ALCAM: variants seen among roughly 807,000 people sequenced by gnomAD.
ALCAM encodes CD166 antigen.
A neutral mutation model predicts 70.9 loss-of-function variants in ALCAM; 30 were observed. The ratio of observed to expected loss-of-function variants is 0.42; its 90% CI spans 0.32 to 0.57. The LOEUF (loss-of-function observed/expected upper bound fraction) is 0.57, where lower values mean the gene tolerates loss of function less well. Ranked by LOEUF, ALCAM falls within the 20% of genes least tolerant of loss-of-function variation. The probability of loss-of-function intolerance (pLI) is 0.11; values close to 1 mark genes in which losing one functional copy is unlikely to be tolerated. For synonymous variants in ALCAM, 249 were observed against 242.5 expected (o/e 1.03, Z -0.25); for missense variants, 591 against 695.1 (o/e 0.85, Z 1.68).
At chr3:105,537,481 A>G (rs1452824209) in intron 6 of ALCAM, among the ~76,000 whole-genome samples, 3 of 152,090 alleles carry the variant, frequency 2.0e-5, no homozygotes, top group Admixed American at 6.6e-5. Flanking sequence ...CAATTGCAGT[A>G]TGCCTTGAGT....
intron 1 of ALCAM, among the ~76,000 whole-genome samples, chr3:105,375,714 T>G (rs1935357549): frequency 6.6e-6 from 1 of 152,192 alleles, no homozygotes; most frequent in South Asian, 2.1e-4. Context: ...TCCCATTCTG[T>G]TCTTCTATGA....
chr3:105,407,817 A>G (rs919956576), intron 1 of ALCAM, among the ~76,000 whole-genome samples: 1 of 152,080 alleles, frequency 6.6e-6, no homozygotes, highest in African/African-American at 2.4e-5. Flanking sequence ...AAAATCCTAA[A>G]GACTTATTAA....
At chr3:105,555,304 A>C (rs1243503886) in intron 14 of ALCAM, among the ~76,000 whole-genome samples, 1 of 152,060 alleles carries the variant, frequency 6.6e-6, no homozygotes, top group Non-Finnish European at 1.5e-5. Flanking sequence ...TAATCAAAGT[A>C]ATAAATTGCA....
intron 12 of ALCAM, among the ~76,000 whole-genome samples, chr3:105,550,479 C>G (rs1161745331): frequency 1.3e-5 from 2 of 151,292 alleles, no homozygotes; most frequent in Non-Finnish European, 3.0e-5. Flanking sequence ...TTTTATGGGT[C>G]AGAGGCCTTA....
intron 1 of ALCAM, among the ~76,000 whole-genome samples, chr3:105,518,877 T>C (rs1234705137): frequency 1.3e-5 from 2 of 152,074 alleles, no homozygotes; most frequent in African/African-American, 4.8e-5. Context: ...GGGGCAAAAT[T>C]CTTAACCTTA....
At chr3:105,539,079 A>G (rs1940050440) in intron 6 of ALCAM, among the ~76,000 whole-genome samples, 1 of 152,138 alleles carries the variant, frequency 6.6e-6, no homozygotes, top group Non-Finnish European at 1.5e-5. Flanking sequence ...GGAAATATAT[A>G]CACATGCCTC....
At chr3:105,373,536 A>G (rs1246340351) in intron 1 of ALCAM, among the ~76,000 whole-genome samples, 1 of 152,156 alleles carries the variant, frequency 6.6e-6, no homozygotes, top group Admixed American at 6.5e-5. Flanking sequence ...AGAAAAAAAA[A>G]CTTTCCTGTA....
intron 1 of ALCAM, among the ~76,000 whole-genome samples, chr3:105,465,453 G>A (rs569976263): frequency 6.6e-6 from 1 of 151,528 alleles, no homozygotes. Context: ...GTAAAAATAT[G>A]TAGAGAAAAA....
chr3:105,421,035 T>A lies in ALCAM; in HGVS notation c.73+53554T>A, dbSNP rs138395715. Among the ~76,000 whole-genome samples, 1,032 of 151,606 alleles carry A rather than the reference T, an allele frequency of 6.8e-3. 14 individuals carry two copies. The highest frequency in any genetic ancestry group is 0.024 in the African/African-American group (981 of 41,472). On this transcript the variant is annotated intron_variant, in intron 1 of 15. Coordinates refer to ENST00000306107, the MANE Select transcript of ALCAM (RefSeq NM_001627.4). Reference sequence around the variant, plus strand: ...TAAGCATTGGTAACCTGTGAGAAAATGATCTATAGTAAATATTTCTTTTTA... The same window carrying A: ...TAAGCATTGGTAACCTGTGAGAAAAAGATCTATAGTAAATATTTCTTTTTA...
intron 1 of ALCAM, among the ~76,000 whole-genome samples, chr3:105,512,397 A>G (rs1334491184): frequency 1.3e-5 from 2 of 151,872 alleles, no homozygotes; most frequent in Admixed American, 1.3e-4. Flanking sequence ...TTCTTGCTAA[A>G]ATAGGTGAAT....
At chr3:105,562,704 G>T (rs987375495) in intron 14 of ALCAM, among the ~76,000 whole-genome samples, 35 of 152,130 alleles carry the variant, frequency 2.3e-4, no homozygotes, top group Non-Finnish European at 2.1e-4. Context: ...TTGTTAATTC[G>T]TTAAATATTT....
rs961935392 is a variant in ALCAM at position 105,534,789 on chromosome 3, A to G, written c.674A>G (p.Tyr225Cys). Reference protein sequence around the residue: ...QMPFTCSVTYYGPSGQKTIHS... With the variant: ...QMPFTCSVTYCGPSGQKTIHS... ...CCATTCACCTGCTCGGTGACATATT[A>G]TGGACCATCTGGCCAGAAAACAATT... The change falls in exon 6 of 16, where the codon TAT (tyrosine) becomes TGT (cysteine). Residue 225 changes from tyrosine (Y) to cysteine (C), a missense_variant. This residue lies in a region of ALCAM where 427 missense variants were observed against 450.4 expected (regional missense o/e 0.95). Transcript: ENST00000306107. 6.2e-7 allele frequency: 1 copy of G among 1,613,788 alleles called. No homozygotes were observed.
chr3:105,406,915 G>A (rs1436513445), intron 1 of ALCAM, among the ~76,000 whole-genome samples: 5 of 151,988 alleles, frequency 3.3e-5, no homozygotes, highest in African/African-American at 7.2e-5. Context: ...CATTCAAGAC[G>A]ACTATGAACA....
intron 1 of ALCAM, among the ~76,000 whole-genome samples, chr3:105,459,107 C>G (rs1358259340): frequency 6.6e-6 from 1 of 152,142 alleles, no homozygotes; most frequent in Non-Finnish European, 1.5e-5. Context: ...AGCTTTCCCC[C>G]ACTCATAGTC....
intron 1 of ALCAM, among the ~76,000 whole-genome samples, chr3:105,385,944 G>T (rs1935641442): frequency 6.6e-6 from 1 of 151,446 alleles, no homozygotes; most frequent in Non-Finnish European, 1.5e-5. Context: ...GTCTATATAG[G>T]TTCAGTTCCA....
rs759738526 is a variant in ALCAM at position 105,533,677 on chromosome 3, T to A, written c.534T>A (p.His178Gln). The stretch of plus-strand genomic sequence containing the variant: ...GGTACAGGAATGGAAAAGTGCTACA[T>A]CCCCTTGAAGGAGGTGGGTGTGAGG... ...ITWYRNGKVL[H>Q]PLEGAVVIIF... The change falls in exon 5 of 16, where the codon CAT becomes CAA. Residue 178 changes from histidine to glutamine, a missense_variant. Physicochemically the swap from His to Gln is conservative, Grantham distance 24. Transcript: ENST00000306107. 3.7e-6 allele frequency: 6 copies of A among 1,611,144 alleles called. No individual in the cohort carries two copies. Among genetic ancestry groups the A allele is most frequent in the African/African-American group, 1.3e-5 (1 of 74,794 alleles).
intron 1 of ALCAM, among the ~76,000 whole-genome samples, chr3:105,398,051 C>T (rs1220339660): frequency 6.6e-6 from 1 of 151,984 alleles, no homozygotes; most frequent in Non-Finnish European, 1.5e-5. Flanking sequence ...CTCTCAATCA[C>T]CTGGAGAGTT....
intron 1 of ALCAM, among the ~76,000 whole-genome samples, chr3:105,491,348 T>C (rs932625751): frequency 1.3e-5 from 2 of 152,176 alleles, no homozygotes; most frequent in African/African-American, 4.8e-5. Context: ...CATGGAGACA[T>C]TTTTCCCATT....
At chr3:105,532,752 C>T (rs1299692353) in intron 4 of ALCAM, among the ~76,000 whole-genome samples, 2 of 152,046 alleles carry the variant, frequency 1.3e-5, no homozygotes, top group Non-Finnish European at 2.9e-5. Flanking sequence ...ATTGATGAAA[C>T]TGGGTGCCAA....
Sources: gnomAD v4.1 joint callset for allele counts (sites outside exome capture counted in the v4.1 genomes callset) on GRCh38, gnomAD v4.1.1 for gene constraint, gnomAD v4.1.1 regional missense constraint, MANE v1.5 for transcripts, NCBI Gene and HGNC (gene_info 2026-07-23, HGNC 2026-07-21) for gene names.